TXNRD1: variants seen among roughly 807,000 people sequenced by gnomAD.
The protein encoded by TXNRD1 is thioredoxin reductase 1.
In TXNRD1, 57 loss-of-function variants were observed where a neutral mutation model predicts 80.3. The ratio of observed to expected loss-of-function variants is 0.71; its 90% CI spans 0.57 to 0.89. The LOEUF (loss-of-function observed/expected upper bound fraction) is 0.89. Ranked by LOEUF, TXNRD1 falls within the 40% of genes least tolerant of loss-of-function variation. The probability of loss-of-function intolerance (pLI) is 0.00; values close to 1 mark genes in which losing one functional copy is unlikely to be tolerated. For synonymous variants in TXNRD1, 291 were observed against 285.2 expected, an observed-to-expected ratio of 1.02 and a Z score of -0.20; for missense variants, 730 against 803.0, an observed-to-expected ratio of 0.91 and a Z score of 1.10.
At chr12:104,273,941 T>G (rs1436785405) in intron 3 of TXNRD1, among the ~76,000 whole-genome samples, 1 of 152,008 alleles carries the variant, frequency 6.6e-6, no homozygotes, top group African/African-American at 2.4e-5. Context: ...TCCCAGCTAC[T>G]TGGGAGGCTA....
chr12:104,228,821 G>A (rs538228953), intron 1 of TXNRD1, among the ~76,000 whole-genome samples: 59 of 151,726 alleles, frequency 3.9e-4, no homozygotes, highest in African/African-American at 1.3e-3. Context: ...CCGGGTTCAC[G>A]CCATTCTCCT....
intron 1 of TXNRD1, 102 bp downstream of exon 1, chr12:104,215,995 C>T (rs536306365): frequency 6.0e-6 from 6 of 1,002,006 alleles, no homozygotes; most frequent in Non-Finnish European, 5.9e-6. Context: ...GCCTTGAAGC[C>T]CCTCACTGGA....
At chr12:104,315,589 G>A (rs990315633) in intron 6 of TXNRD1, among the ~76,000 whole-genome samples, 188 bp from the exon 7 acceptor site, 2 of 152,174 alleles carry the variant, frequency 1.3e-5, no homozygotes, top group African/African-American at 4.8e-5. Context: ...TGATGTTACC[G>A]TGTTTGGTAT....
chr12:104,292,175 C>T (rs1032536474), intron 4 of TXNRD1, among the ~76,000 whole-genome samples: 1 of 152,148 alleles, frequency 6.6e-6, no homozygotes, highest in African/African-American at 2.4e-5. Context: ...CTATAGAAGA[C>T]AAGGGAGAAA....
At chr12:104,297,753 G>A (rs2034484363) in intron 4 of TXNRD1, among the ~76,000 whole-genome samples, 2 of 152,152 alleles carry the variant, frequency 1.3e-5, no homozygotes, top group Admixed American at 6.5e-5. Context: ...GAAAGTAAGT[G>A]GAAACTAATA....
At chr12:104,326,156 T>A (rs2135848837) in intron 11 of TXNRD1, among the ~76,000 whole-genome samples, 191 bp from the exon 12 acceptor site, 1 of 152,338 alleles carries the variant, frequency 6.6e-6, no homozygotes, top group Middle Eastern at 3.4e-3. Context: ...TACTATATCA[T>A]ATATGTTCAA....
chr12:104,233,223 T>C (rs2032662354), intron 1 of TXNRD1, among the ~76,000 whole-genome samples: 1 of 152,194 alleles, frequency 6.6e-6, no homozygotes, highest in Admixed American at 6.5e-5. Context: ...AAAGAGTTAC[T>C]AGCAAAAAGC....
At chr12:104,253,824 C>G (rs555135178) in intron 2 of TXNRD1, among the ~76,000 whole-genome samples, 2 of 152,030 alleles carry the variant, frequency 1.3e-5, no homozygotes, top group Non-Finnish European at 2.9e-5. Context: ...TCCCAAGTAG[C>G]TGGGACTACA....
chr12:104,306,429 A>G (rs187996081), intron 4 of TXNRD1, among the ~76,000 whole-genome samples: 29 of 152,340 alleles, frequency 1.9e-4, no homozygotes, highest in African/African-American at 4.6e-4. Flanking sequence ...TGATCCCTAT[A>G]GGAGCTTAAT....
intron 4 of TXNRD1, among the ~76,000 whole-genome samples, chr12:104,296,231 G>A (rs181411991): frequency 3.1e-4 from 47 of 152,230 alleles, no homozygotes; most frequent in Non-Finnish European, 5.9e-4. Flanking sequence ...CTCATGATTC[G>A]AGGTCAGGCC....
intron 14 of TXNRD1, among the ~76,000 whole-genome samples, chr12:104,333,612 A>G (rs185509541): frequency 3.9e-4 from 59 of 152,242 alleles, no homozygotes; most frequent in African/African-American, 1.2e-3. Context: ...GTAGCGAATC[A>G]TGTTTTGAAC....
intron 15 of TXNRD1, among the ~76,000 whole-genome samples, chr12:104,335,944 A>C (rs939665630): frequency 6.6e-6 from 1 of 152,258 alleles, no homozygotes; most frequent in African/African-American, 2.4e-5. Flanking sequence ...AAATGAATAT[A>C]CTAGGATAAC....
chr12:104,272,280 G>C (rs1176348360), intron 3 of TXNRD1, among the ~76,000 whole-genome samples: 1 of 152,098 alleles, frequency 6.6e-6, no homozygotes, highest in African/African-American at 2.4e-5. Flanking sequence ...TATTGGCTAA[G>C]GTTAGATCGC....
chr12:104,252,658 T>TATATATATATATATATATATA lies in TXNRD1; in HGVS notation c.243+980_243+981insATATATATATATATATATATA, dbSNP rs1491493630. 2.0e-3 allele frequency among the ~76,000 whole-genome samples: 21 copies of TATATATATATATATATATATA among 10,352 alleles called. 2 individuals are homozygous for TATATATATATATATATATATA. Among genetic ancestry groups the TATATATATATATATATATATA allele is most frequent in the Non-Finnish European group, 2.8e-3 (16 of 5,810 alleles). The allele number at this position is 10,352 out of a possible 152,430, so 6.8% of individuals were successfully genotyped here. On this transcript the variant is annotated intron_variant, in intron 2 of 16. Coordinates refer to ENST00000525566, the MANE Select transcript of TXNRD1 (RefSeq NM_001093771.3). ...GGTTCACTGAGAGGTTAATTTATTATTTTTTATATATATATATATATATAT... is the reference window on the plus strand; with the variant it reads ...GGTTCACTGAGAGGTTAATTTATTATATATATATATATATATATATATTTTTATATATATATATATATATAT...
rs562416438 is a variant in TXNRD1 at position 104,278,134 on chromosome 12, C to T, written c.305-10797C>T. ...CCTTCTGATCCACCCGCCTCAGCCT[C>T]CCAAAGTGCTGGGATTACAGGTGTG... On this transcript the variant is annotated intron_variant, in intron 3 of 16. Coordinates refer to ENST00000525566, the MANE Select transcript of TXNRD1 (RefSeq NM_001093771.3). Among the ~76,000 whole-genome samples, 7 of 151,478 alleles carry T rather than the reference C, an allele frequency of 4.6e-5. No homozygotes were observed. In the Admixed American group the frequency reaches 4.6e-4, roughly 10 times the overall value.
At chr12:104,313,795 A>G (rs961200589) in intron 6 of TXNRD1, among the ~76,000 whole-genome samples, 1 of 152,236 alleles carries the variant, frequency 6.6e-6, no homozygotes, top group Non-Finnish European at 1.5e-5. Flanking sequence ...GGCATATTCA[A>G]AGTTCATGCC....
chr12:104,338,628 C>T (rs34038367), intron 15 of TXNRD1, among the ~76,000 whole-genome samples: 1,765 of 149,816 alleles, frequency 0.012, 55 homozygotes, highest in African/African-American at 0.041. Context: ...ATCCAGGAGG[C>T]GGAGGTTGCG....
At chr12:104,268,339 G>C (rs1169867223) in intron 3 of TXNRD1, among the ~76,000 whole-genome samples, 1 of 145,390 alleles carries the variant, frequency 6.9e-6, no homozygotes, top group African/African-American at 2.5e-5. Flanking sequence ...GTAAAACCCC[G>C]TCTCTACTAA....
chr12:104,301,496 C>A (rs535339955), intron 4 of TXNRD1, among the ~76,000 whole-genome samples: 4 of 152,252 alleles, frequency 2.6e-5, no homozygotes, highest in Non-Finnish European at 5.9e-5. Flanking sequence ...TGCAACCACG[C>A]CCGGCTAATT....
Sources: allele counts gnomAD v4.1 joint callset (sites outside exome capture counted in the v4.1 genomes callset), GRCh38; gene constraint gnomAD v4.1.1; transcripts MANE v1.5; gene names NCBI Gene and HGNC (gene_info 2026-07-23, HGNC 2026-07-21).